The following SYNE1 variants were observed in gnomAD, a reference collection of about 807,000 sequenced individuals.
The protein encoded by SYNE1 is spectrin repeat containing nuclear envelope protein 1.
In SYNE1, 616 loss-of-function variants were observed where a neutral mutation model predicts 1,111.0. The ratio of observed to expected loss-of-function variants is 0.55; its 90% CI spans 0.52 to 0.59. The LOEUF is 0.59. SYNE1 is among the 20% of genes least tolerant of loss of function. The pLI, the probability that SYNE1 is intolerant of heterozygous loss-of-function variation, is 0.00. For synonymous variants in SYNE1, 3,855 were observed against 3,825.8 expected, an observed-to-expected ratio of 1.01 and a Z score of -0.28; for missense variants, 10,006 against 10,417.0, an observed-to-expected ratio of 0.96 and a Z score of 1.72.
intron 32 of SYNE1, among the ~76,000 whole-genome samples, chr6:152,439,518 C>A (rs950527803): frequency 6.6e-6 from 1 of 152,088 alleles, no homozygotes; most frequent in Admixed American, 6.6e-5. Context: ...CATGAGCCAT[C>A]GTACCCGGCC....
intron 106 of SYNE1, among the ~76,000 whole-genome samples, chr6:152,243,997 T>C (rs777732416): frequency 1.3e-5 from 2 of 152,216 alleles, no homozygotes; most frequent in Non-Finnish European, 2.9e-5. Context: ...AGGAAGTCTG[T>C]TTAGATTTCA....
intron 3 of SYNE1, among the ~76,000 whole-genome samples, chr6:152,608,582 A>G (rs887302709): frequency 6.6e-6 from 1 of 152,224 alleles, no homozygotes; most frequent in Non-Finnish European, 1.5e-5. Flanking sequence ...ATTTTGCCTT[A>G]ACTAAATGCT....
intron 3 of SYNE1, among the ~76,000 whole-genome samples, chr6:152,569,217 C>T (rs780828675): frequency 1.3e-5 from 2 of 152,130 alleles, no homozygotes; most frequent in Non-Finnish European, 2.9e-5. Context: ...GATTCTTATG[C>T]ACAATCAAAT....
intron 98 of SYNE1, among the ~76,000 whole-genome samples, chr6:152,271,450 C>G (rs753864379): frequency 1.4e-4 from 21 of 152,132 alleles, no homozygotes; most frequent in Admixed American, 9.8e-4. Flanking sequence ...GGTAGAACAA[C>G]GGGGGTGCAA....
intron 15 of SYNE1, chr6:152,472,037 C>T (rs1317312589): frequency 3.4e-6 from 2 of 589,906 alleles, no homozygotes; most frequent in Non-Finnish European, 5.9e-6. Flanking sequence ...ACATAATGTT[C>T]CTTACAGTAC....
chr6:152,300,936 A>G (rs2095135928), intron 92 of SYNE1, among the ~76,000 whole-genome samples, 155 bp from the exon 93 acceptor site: 2 of 152,244 alleles, frequency 1.3e-5, no homozygotes, highest in Admixed American at 6.5e-5. Flanking sequence ...TTAGTATTTA[A>G]AAGTTCTGTC....
intron 131 of SYNE1, among the ~76,000 whole-genome samples, chr6:152,162,132 C>A (rs1334866772): frequency 1.3e-5 from 2 of 152,200 alleles, no homozygotes; most frequent in Non-Finnish European, 2.9e-5. Context: ...CCAGTCTCAG[C>A]ACACCTTATT....
intron 11 of SYNE1, among the ~76,000 whole-genome samples, chr6:152,490,830 A>C (rs1211143376): frequency 6.6e-6 from 1 of 152,140 alleles, no homozygotes; most frequent in Non-Finnish European, 1.5e-5. Context: ...AGATCCACCT[A>C]TGACCTTGGG....
chr6:152,531,093 T>G (rs1249288828), intron 4 of SYNE1, among the ~76,000 whole-genome samples: 1 of 152,194 alleles, frequency 6.6e-6, no homozygotes, highest in Non-Finnish European at 1.5e-5. Context: ...ATCCTTATTT[T>G]ACTTAATAAT....
intron 130 of SYNE1, 85 bp from the exon 131 acceptor site, chr6:152,164,410 T>C (rs1207916988): frequency 1.5e-5 from 22 of 1,515,846 alleles, no homozygotes; most frequent in Non-Finnish European, 2.0e-5. Flanking sequence ...CACTGGGCTT[T>C]AACAATCTTT....
intron 3 of SYNE1, among the ~76,000 whole-genome samples, chr6:152,582,587 A>C (rs2099524171): frequency 6.6e-6 from 1 of 151,506 alleles, no homozygotes; most frequent in Non-Finnish European, 1.5e-5. Flanking sequence ...TATATATATA[A>C]CTTTATTTTA....
At chr6:152,461,537 A>T in intron 21 of SYNE1, 60 bp downstream of exon 21, 1 of 1,610,704 alleles carries the variant, frequency 6.2e-7, no homozygotes, top group Non-Finnish European at 8.5e-7. Flanking sequence ...GGAGGTAGCA[A>T]GCAAGCTGAA....
chr6:152,291,370 T>G (rs1173692494), intron 95 of SYNE1, among the ~76,000 whole-genome samples: 2 of 151,718 alleles, frequency 1.3e-5, no homozygotes, highest in Non-Finnish European at 2.9e-5. Flanking sequence ...ACCTCCTTAC[T>G]GCTGTGATGG....
At position 152,456,604 on chromosome 6, in the gene SYNE1, G is replaced by A. The variant is rs181775428; in HGVS notation, c.2569-560C>T. On this transcript the variant is annotated intron_variant, in intron 22 of 145. Transcript: ENST00000367255. ...TCCTAATAAAAAAAGGCAGCAGACCGATGCACTTGGGGAAGACTTGCAACT... is the reference window on the plus strand; with the variant it reads ...TCCTAATAAAAAAAGGCAGCAGACCAATGCACTTGGGGAAGACTTGCAACT... 950 of 335,920 alleles carry A rather than the reference G, an allele frequency of 2.8e-3. 3 individuals carry two copies. The highest frequency in any genetic ancestry group is 8.6e-3 in the Middle Eastern group (20 of 2,330). The allele number at this position is 335,920 out of a possible 1,614,324, so 20.8% of individuals were successfully genotyped here.
intron 2 of SYNE1, among the ~76,000 whole-genome samples, chr6:152,632,406 G>A (rs906548623): frequency 1.3e-5 from 2 of 152,074 alleles, no homozygotes; most frequent in African/African-American, 4.8e-5. Flanking sequence ...GTGAAATCAT[G>A]ATTTTCTTGC....
chr6:152,482,101 C>T (rs531949438), intron 14 of SYNE1, among the ~76,000 whole-genome samples: 1 of 152,200 alleles, frequency 6.6e-6, no homozygotes, highest in Admixed American at 6.5e-5. Flanking sequence ...TGCAGATCAT[C>T]AAATCTTGCC....
chr6:152,578,323 G>A (rs1212028465), intron 3 of SYNE1, among the ~76,000 whole-genome samples: 2 of 152,140 alleles, frequency 1.3e-5, no homozygotes, highest in Non-Finnish European at 2.9e-5. Context: ...GGCCTGGCGT[G>A]GTAGCTCATG....
chr6:152,233,118 A>T (rs1209480212), intron 112 of SYNE1, among the ~76,000 whole-genome samples: 3 of 152,254 alleles, frequency 2.0e-5, no homozygotes, highest in Admixed American at 1.3e-4. Context: ...TCTCCTATAC[A>T]TAAGATATTT....
At position 152,125,186 on chromosome 6, in the gene SYNE1, G is replaced by A. The variant is rs981434917; in HGVS notation, c.26154-2510C>T. 12 of 1,488,160 alleles carry A rather than the reference G, an allele frequency of 8.1e-6. No homozygotes were observed. In the East Asian group the frequency reaches 1.5e-4, roughly 18 times the overall value. 92.2% of individuals were successfully genotyped at this position (1,488,160 alleles called of 1,614,324 possible). ...CAGGCTTCCAAAATCCCTGCCCACC[G>A]CACTCTCTGCTGTGAAATGTTTTGC... On this transcript the variant is annotated intron_variant, in intron 145 of 145. Transcript: ENST00000367255.
Sources: allele counts gnomAD v4.1 joint callset (sites outside exome capture counted in the v4.1 genomes callset), GRCh38; gene constraint gnomAD v4.1.1; transcripts MANE v1.5; gene names NCBI Gene and HGNC (gene_info 2026-07-23, HGNC 2026-07-21).